Variants in SCFD2 observed in about 807,000 individuals in gnomAD.
SCFD2 encodes the protein sec1 family domain-containing protein 2.
A neutral mutation model predicts 58.9 loss-of-function variants in SCFD2; 54 were observed. That is an observed-to-expected ratio of 0.92 (90% CI 0.74 to 1.15). The LOEUF (loss-of-function observed/expected upper bound fraction) is 1.15. Among genes scored for constraint, SCFD2 ranks in the 50% most tolerant of loss-of-function variants. SCFD2 has a pLI of 0.00. For synonymous variants in SCFD2, 321 were observed against 335.9 expected, an observed-to-expected ratio of 0.96 and a Z score of 0.49; for missense variants, 805 against 836.6, an observed-to-expected ratio of 0.96 and a Z score of 0.47.
intron 4 of SCFD2, among the ~76,000 whole-genome samples, chr4:53,252,300 C>T (rs909340682): frequency 5.7e-4 from 85 of 148,968 alleles, no homozygotes; most frequent in African/African-American, 2.0e-3. Flanking sequence ...GTGAAAATGG[C>T]CATACTGCCC....
intron 2 of SCFD2, among the ~76,000 whole-genome samples, chr4:53,333,643 A>T (rs1455722706): frequency 6.8e-6 from 1 of 146,654 alleles, no homozygotes; most frequent in East Asian, 2.0e-4. Flanking sequence ...AAACCATAAA[A>T]ACCCTAGAAG....
intron 5 of SCFD2, among the ~76,000 whole-genome samples, chr4:52,938,296 G>A (rs1045347946): frequency 6.6e-6 from 1 of 152,174 alleles, no homozygotes; most frequent in Non-Finnish European, 1.5e-5. Context: ...CTAAGGCCAA[G>A]CAGCCAGTCA....
intron 3 of SCFD2, among the ~76,000 whole-genome samples, chr4:53,277,946 G>T (rs555537748): frequency 6.6e-6 from 1 of 151,776 alleles, no homozygotes; most frequent in Non-Finnish European, 1.5e-5. Context: ...CCAGCTACTC[G>T]GGAGGCTGAG....
At chr4:52,914,208 G>C (rs1419648328) in intron 6 of SCFD2, among the ~76,000 whole-genome samples, 1 of 152,212 alleles carries the variant, frequency 6.6e-6, no homozygotes, top group Non-Finnish European at 1.5e-5. Context: ...CCGCTGGTTG[G>C]TAAACTGCAT....
At chr4:53,093,820 A>G (rs1724540837) in intron 5 of SCFD2, among the ~76,000 whole-genome samples, 1 of 152,024 alleles carries the variant, frequency 6.6e-6, no homozygotes, top group Non-Finnish European at 1.5e-5. Flanking sequence ...AAGAAACGGT[A>G]GCATCAGTCA....
At chr4:53,054,529 A>T (rs990241469) in intron 5 of SCFD2, among the ~76,000 whole-genome samples, 2 of 152,204 alleles carry the variant, frequency 1.3e-5, no homozygotes, top group African/African-American at 4.8e-5. Context: ...GCAAAGAACA[A>T]GAGGACATTT....
At chr4:53,217,912 G>C (rs1253560869) in intron 4 of SCFD2, among the ~76,000 whole-genome samples, 3 of 152,262 alleles carry the variant, frequency 2.0e-5, no homozygotes, top group East Asian at 3.9e-4. Flanking sequence ...AGCTTAGTTT[G>C]GCTGGATATG....
rs372491022 is a variant in SCFD2 at position 52,902,659 on chromosome 4, G to A, written c.1842+4798C>T. Among the ~76,000 whole-genome samples the A allele has an allele frequency of 1.6e-4, 24 of 152,228 alleles. 1 individual carries two copies. Among genetic ancestry groups the A allele is most frequent in the East Asian group, 7.7e-4 (4 of 5,182 alleles). On this transcript the variant is annotated intron_variant, in intron 7 of 8. Coordinates refer to ENST00000401642, the MANE Select transcript of SCFD2 (RefSeq NM_152540.4). ...CAAATACTTACGTAGTACTTACTAC[G>A]CGCCAGACACTGTTCTGAGTGCTTT... is the stretch of plus-strand genomic sequence containing the variant.
At chr4:53,042,378 G>A (rs1220807776) in intron 5 of SCFD2, among the ~76,000 whole-genome samples, 1 of 151,814 alleles carries the variant, frequency 6.6e-6, no homozygotes, top group Admixed American at 6.6e-5. Flanking sequence ...AAGAACACTG[G>A]GCCTTCATTC....
At chr4:53,031,247 T>A (rs759946826) in intron 5 of SCFD2, among the ~76,000 whole-genome samples, 3 of 152,070 alleles carry the variant, frequency 2.0e-5, no homozygotes, top group Non-Finnish European at 4.4e-5. Flanking sequence ...AAAGACCCCA[T>A]CTGAAGGTTA....
intron 4 of SCFD2, among the ~76,000 whole-genome samples, chr4:53,155,758 T>A (rs367978052): frequency 6.6e-6 from 1 of 152,224 alleles, no homozygotes; most frequent in South Asian, 2.1e-4. Context: ...TGTAATCGCA[T>A]AAGCCAATAT....
intron 4 of SCFD2, among the ~76,000 whole-genome samples, chr4:53,189,506 C>T (rs1230883249): frequency 6.6e-6 from 1 of 152,184 alleles, no homozygotes; most frequent in Non-Finnish European, 1.5e-5. Flanking sequence ...GCAAACTTCG[C>T]TTCCTTCTTG....
At chr4:52,909,480 C>T (rs1163963542) in intron 6 of SCFD2, among the ~76,000 whole-genome samples, 6 of 152,168 alleles carry the variant, frequency 3.9e-5, no homozygotes, top group South Asian at 2.1e-4. Flanking sequence ...AGGGGGAATA[C>T]GGAAGTTTAA....
intron 5 of SCFD2, among the ~76,000 whole-genome samples, chr4:53,118,447 A>C (rs539065661): frequency 6.6e-6 from 1 of 152,372 alleles, no homozygotes; most frequent in South Asian, 2.1e-4. Context: ...ATTCAATCAC[A>C]AAGAGAGATA....
intron 4 of SCFD2, among the ~76,000 whole-genome samples, chr4:53,200,836 G>T (rs1442749128): frequency 6.6e-6 from 1 of 151,792 alleles, no homozygotes; most frequent in Admixed American, 6.6e-5. Flanking sequence ...TGCATTCAAT[G>T]GATTCAGTTC....
At chr4:53,017,700 A>T (rs1722248098) in intron 5 of SCFD2, among the ~76,000 whole-genome samples, 1 of 152,160 alleles carries the variant, frequency 6.6e-6, no homozygotes, top group Non-Finnish European at 1.5e-5. Context: ...CACACTTCTC[A>T]TGCAGAGCCA....
At chr4:53,225,765 G>C (rs1437251404) in intron 4 of SCFD2, among the ~76,000 whole-genome samples, 4 of 152,144 alleles carry the variant, frequency 2.6e-5, no homozygotes, top group Non-Finnish European at 5.9e-5. Flanking sequence ...CACTCAGTAA[G>C]TATCAGCAGC....
In SCFD2 at chr4:53,273,614, G is replaced by T. The variant is rs149709164; in HGVS notation, c.1311+212C>A. ...AAAAAACATCCTTGGTATTAAATGA[G>T]AAGCCAAAGATGTTACTGTCAAAAT... On this transcript the variant is annotated intron_variant, in intron 4 of 8. Coordinates refer to ENST00000401642, the MANE Select transcript of SCFD2 (RefSeq NM_152540.4). 1,989 of 447,580 alleles carry T rather than the reference G, an allele frequency of 4.4e-3. 84 individuals carry two copies. The Admixed American group carries it at 0.071, about 16-fold the overall frequency. 27.7% of individuals were successfully genotyped at this position (447,580 alleles called of 1,614,324 possible).
chr4:53,068,253 A>C (rs1452407150), intron 5 of SCFD2, among the ~76,000 whole-genome samples: 1 of 152,130 alleles, frequency 6.6e-6, no homozygotes, highest in South Asian at 2.1e-4. Flanking sequence ...CCCACTCCAC[A>C]GTTTCTAAAG....
Sources: allele counts gnomAD v4.1 joint callset (sites outside exome capture counted in the v4.1 genomes callset), GRCh38; gene constraint gnomAD v4.1.1; transcripts MANE v1.5; gene names NCBI Gene and HGNC (gene_info 2026-07-23, HGNC 2026-07-21).